Variants in ABCB11 observed in about 807,000 individuals in gnomAD.
The protein encoded by ABCB11 is ATP binding cassette subfamily B member 11, also known as bile salt export pump.
In ABCB11, 95 loss-of-function variants were observed where a neutral mutation model predicts 148.0. The observed-to-expected ratio is 0.64, with a 90% CI of 0.54 to 0.76. The LOEUF (loss-of-function observed/expected upper bound fraction) is 0.76, where lower values mean the gene tolerates loss of function less well. Ranked by LOEUF, ABCB11 falls within the 30% of genes least tolerant of loss-of-function variation. The pLI, the probability that ABCB11 is intolerant of heterozygous loss-of-function variation, is 0.00. For synonymous variants in ABCB11, 591 were observed against 555.4 expected, an observed-to-expected ratio of 1.06 and a Z score of -0.90; for missense variants, 1,523 against 1,617.8, an observed-to-expected ratio of 0.94 and a Z score of 1.01.
chr2:169,014,197 T>C (rs1695282661), intron 4 of ABCB11, 106 bp downstream of exon 4: 1 of 1,111,280 alleles, frequency 9.0e-7, no homozygotes, highest in Non-Finnish European at 1.4e-6. Context: ...AAGTGATCAC[T>C]GAAGTTAAAA....
At chr2:169,005,698 T>G (rs546763836) in intron 5 of ABCB11, among the ~76,000 whole-genome samples, 24 of 152,152 alleles carry the variant, frequency 1.6e-4, no homozygotes, top group Non-Finnish European at 2.6e-4. Context: ...AAGAGTAGAT[T>G]TTTAGTGTTC....
rs765678675 is a variant in ABCB11 at position 168,971,952 on chromosome 2, G to A, written c.1533C>T (p.Thr511=). 1.3e-5 allele frequency: 21 copies of A among 1,612,928 alleles called. No homozygotes were observed. In the Admixed American group the frequency reaches 3.0e-4, roughly 23 times the overall value. Reference sequence around the variant, plus strand: ...TGCCATAGCGAATATTTTCTGCAATGGTGGTAGAGAACAGAACTGGCTCTT... The same window carrying A: ...TGCCATAGCGAATATTTTCTGCAATAGTGGTAGAGAACAGAACTGGCTCTT... ...VEQEPVLFST[T]IAENIRYGRE... is the part of the protein sequence containing the mutation. The change falls in exon 14 of 28, where the codon ACC becomes ACT. Residue 511 remains threonine (T), a synonymous_variant. Coordinates refer to ENST00000650372, the MANE Select transcript of ABCB11 (RefSeq NM_003742.4).
chr2:168,985,389 C>G (rs1413318808), intron 10 of ABCB11, among the ~76,000 whole-genome samples: 1 of 152,122 alleles, frequency 6.6e-6, no homozygotes, highest in East Asian at 1.9e-4. Context: ...AGCAATCCCA[C>G]TACTGGGTAT....
intron 14 of ABCB11, among the ~76,000 whole-genome samples, chr2:168,971,088 C>T (rs1014092474): frequency 7.0e-6 from 1 of 142,960 alleles, no homozygotes; most frequent in Non-Finnish European, 1.5e-5. Context: ...GGCAGATCAC[C>T]TCAGTATGAA....
At position 168,935,443 on chromosome 2, in the gene ABCB11, G is replaced by T; in HGVS notation, c.2815-18C>A. The T allele has an allele frequency of 6.2e-7, 1 of 1,603,190 alleles. No homozygotes were observed. Among genetic ancestry groups the T allele is most frequent in the South Asian group, 1.1e-5 (1 of 89,810 alleles). On this transcript the variant is annotated intron_variant, in intron 22 of 27. Transcript: ENST00000650372. ...TTTGTAATCTGAAGATTGAAAAAGA[G>T]TCTTAGGAATACAAGGGCAGAAATA...
At chr2:168,963,237 AT>A (rs911371376) in intron 18 of ABCB11, among the ~76,000 whole-genome samples, 4 of 151,730 alleles carry the variant, frequency 2.6e-5, no homozygotes, top group African/African-American at 9.7e-5. Flanking sequence ...TTTCATTCTA[AT>A]TTTTAAAATC....
chr2:168,934,193 G>A (rs991260000), intron 23 of ABCB11, among the ~76,000 whole-genome samples: 1 of 152,122 alleles, frequency 6.6e-6, no homozygotes, highest in African/African-American at 2.4e-5. Flanking sequence ...ATTTAGACTA[G>A]TAGCTTTAAA....
chr2:168,973,661 G>T, intron 13 of ABCB11, 54 bp downstream of exon 13: 1 of 1,593,186 alleles, frequency 6.3e-7, no homozygotes, highest in Non-Finnish European at 8.6e-7. Flanking sequence ...TCAATATACT[G>T]CCATTTGCAC....
At chr2:168,926,981 G>A (rs1259273140) in intron 26 of ABCB11, among the ~76,000 whole-genome samples, 175 bp downstream of exon 26, 1 of 152,132 alleles carries the variant, frequency 6.6e-6, no homozygotes, top group Non-Finnish European at 1.5e-5. Flanking sequence ...ATCACATGAG[G>A]TCAAGTGTGA....
intron 21 of ABCB11, among the ~76,000 whole-genome samples, chr2:168,942,562 T>C (rs1302725303): frequency 6.6e-6 from 1 of 151,706 alleles, no homozygotes; most frequent in African/African-American, 2.4e-5. Flanking sequence ...CACAATAGAA[T>C]GACTATAATA....
At chr2:169,017,802 C>A in intron 2 of ABCB11, 2 of 621,306 alleles carry the variant, frequency 3.2e-6, no homozygotes, top group East Asian at 3.0e-5. Flanking sequence ...CCTACTCTAT[C>A]TAGGAAAGGT....
In ABCB11 at chr2:168,968,464, T is replaced by C. The variant is rs1178729678; in HGVS notation, c.2038A>G (p.Arg680Gly). Residue 680 changes from arginine to glycine, a missense_variant, in exon 17 of 28, where the codon AGG becomes GGG. Coordinates refer to ENST00000650372, the MANE Select transcript of ABCB11 (RefSeq NM_003742.4). The stretch of plus-strand genomic sequence containing the variant: ...TGGTAGCTCCCTCTGCTAAAGGTCC[T>C]CGCAAGCATGTCATCTTCAGTTGCA... The part of the protein sequence containing the change: ...KDATEDDMLA[R>G]TFSRGSYQDS... 1 of 1,611,274 alleles carries C rather than the reference T, an allele frequency of 6.2e-7. No homozygotes were observed. The highest frequency in any genetic ancestry group is 8.5e-7 in the Non-Finnish European group (1 of 1,178,486).
At chr2:168,961,864 G>T (rs1251491391) in intron 18 of ABCB11, among the ~76,000 whole-genome samples, 1 of 151,664 alleles carries the variant, frequency 6.6e-6, no homozygotes, top group South Asian at 2.1e-4. Flanking sequence ...CTTTAGCACC[G>T]TAAGAGAGTA....
At chr2:168,915,925 G>T (rs1015767828), downstream of ABCB11, among the ~76,000 whole-genome samples, 58 of 152,142 alleles carry the variant, frequency 3.8e-4, no homozygotes, top group Non-Finnish European at 6.5e-4. Context: ...GACAACACCT[G>T]CCATAGTGAC....
chr2:168,952,677 GTTTT>G (rs779394916), intron 19 of ABCB11, among the ~76,000 whole-genome samples: 7 of 93,626 alleles, frequency 7.5e-5, no homozygotes, highest in African/African-American at 2.5e-4. Context: ...TTGCTCCTTT[GTTTT>G]TTTTTTTTTG....
chr2:168,969,315 A>T, intron 16 of ABCB11, 35 bp downstream of exon 16: 1 of 1,556,206 alleles, frequency 6.4e-7, no homozygotes, highest in Non-Finnish European at 8.8e-7. Context: ...TTAACTATTT[A>T]ATATAACATA....
intron 14 of ABCB11, chr2:168,970,449 A>C (rs1302936018): frequency 8.6e-7 from 1 of 1,159,880 alleles, no homozygotes; most frequent in Non-Finnish European, 1.2e-6. Flanking sequence ...GGGCTGTGTA[A>C]ATATTCCTCT....
chr2:168,935,204 G>A lies in ABCB11; in HGVS notation c.3036C>T (p.Leu1012=). The change falls in exon 23 of 28, where the codon CTC becomes CTT. Residue 1012 remains leucine, a synonymous_variant. Coordinates refer to ENST00000650372, the MANE Select transcript of ABCB11 (RefSeq NM_003742.4). ...CTCACCTGAACACATAGCTGAAATG[G>A]AGCCCCTCATTGGAGATTAAGTAAC... ...YGGYLISNEG[L]HFSYVFRVIS... is the part of the protein sequence containing the mutation. The A allele has an allele frequency of 3.7e-6, 6 of 1,613,992 alleles. No individual in the cohort carries two copies. Among genetic ancestry groups the A allele is most frequent in the Non-Finnish European group, 5.1e-6 (6 of 1,179,874 alleles).
intron 19 of ABCB11, among the ~76,000 whole-genome samples, chr2:168,952,342 T>G (rs1692602521): frequency 6.6e-6 from 1 of 151,492 alleles, no homozygotes; most frequent in Non-Finnish European, 1.5e-5. Context: ...CTATGAATCC[T>G]TCTGGTCCTG....
Sources: allele counts gnomAD v4.1 joint callset (sites outside exome capture counted in the v4.1 genomes callset), GRCh38; gene constraint gnomAD v4.1.1; transcripts MANE v1.5; gene names NCBI Gene and HGNC (gene_info 2026-07-23, HGNC 2026-07-21).